SETBP1: variants seen among roughly 807,000 people sequenced by gnomAD.
The protein encoded by SETBP1 is SET binding protein 1, also known as SET-binding protein.
In SETBP1, 9 loss-of-function variants were observed where a neutral mutation model predicts 101.0. That is an observed-to-expected ratio of 0.09 (90% confidence interval 0.05 to 0.16). The LOEUF is 0.16. Ranked by LOEUF, SETBP1 falls within the 10% of genes least tolerant of loss-of-function variation. SETBP1 has a pLI of 1.00. For synonymous variants in SETBP1, 818 were observed against 788.5 expected (o/e 1.04, Z -0.63); for missense variants, 1,858 against 2,033.8 (o/e 0.91, Z 1.66).
intron 2 of SETBP1, among the ~76,000 whole-genome samples, chr18:44,717,038 A>G: frequency 6.6e-6 from 1 of 152,194 alleles, no homozygotes; most frequent in Non-Finnish European, 1.5e-5. Flanking sequence ...ATGTGATGTT[A>G]CTATCCCCAT....
intron 3 of SETBP1, among the ~76,000 whole-genome samples, chr18:44,899,940 G>A (rs551645799): frequency 5.9e-5 from 9 of 152,218 alleles, no homozygotes; most frequent in African/African-American, 2.2e-4. Context: ...AAATATTTTA[G>A]GCTTTGCAAG....
intron 3 of SETBP1, among the ~76,000 whole-genome samples, chr18:44,930,292 G>T (rs1408610532): frequency 1.3e-5 from 2 of 152,232 alleles, no homozygotes; most frequent in African/African-American, 2.4e-5. Context: ...AAGCCAACTT[G>T]ATCGTGGTGG....
At chr18:44,877,119 A>G in intron 3 of SETBP1, 3 of 1,003,434 alleles carry the variant, frequency 3.0e-6, no homozygotes, top group Non-Finnish European at 3.6e-6. Context: ...TTGCTCTCTT[A>G]CCCCATGCTA....
chr18:44,811,579 A>G lies in SETBP1; in HGVS notation c.487-57651A>G, dbSNP rs139052549. Among the ~76,000 whole-genome samples the G allele has an allele frequency of 6.2e-4, 94 of 152,352 alleles. 2 individuals carry two copies. In the East Asian group the frequency reaches 6.9e-3, roughly 11 times the overall value. ...CTGTACCTGCGTGGGTATGAAGTAT[A>G]CATTCCTAAGTGGAACTATGACTGC... is the stretch of plus-strand genomic sequence containing the variant. On this transcript the variant is annotated intron_variant, in intron 2 of 5. Transcript: ENST00000649279.
chr18:44,930,437 G>T (rs1164848992), intron 3 of SETBP1, among the ~76,000 whole-genome samples: 3 of 152,142 alleles, frequency 2.0e-5, no homozygotes, highest in Non-Finnish European at 2.9e-5. Flanking sequence ...GTATCAGGAT[G>T]ATGTTGGCCT....
intron 5 of SETBP1, among the ~76,000 whole-genome samples, chr18:45,056,786 C>G (rs2145572491): frequency 6.6e-6 from 1 of 152,342 alleles, no homozygotes; most frequent in South Asian, 2.1e-4. Flanking sequence ...TCACACTTAA[C>G]ATACCCCACT....
chr18:44,819,006 G>C (rs926365039), intron 2 of SETBP1, among the ~76,000 whole-genome samples: 2 of 151,646 alleles, frequency 1.3e-5, no homozygotes, highest in Non-Finnish European at 2.9e-5. Flanking sequence ...GTGTGTGTGT[G>C]TGTATACACA....
At chr18:44,947,468 A>G (rs1027386398) in intron 3 of SETBP1, among the ~76,000 whole-genome samples, 8 of 151,838 alleles carry the variant, frequency 5.3e-5, no homozygotes, top group Non-Finnish European at 1.0e-4. Flanking sequence ...ACCCAGGTCC[A>G]AAAGAATCAC....
At position 45,038,637 on chromosome 18, in the gene SETBP1, G is replaced by A. The variant is rs1347102859; in HGVS notation, c.4153G>A (p.Ala1385Thr). 1 of 1,614,042 alleles carries A rather than the reference G, an allele frequency of 6.2e-7. No individual in the cohort carries two copies. The stretch of plus-strand genomic sequence containing the variant: ...AGTGTTATCTCTCCTTGCTGCATCT[G>A]CAGCAACGTCGGATGCAGGTGAGCA... ...APVLSLLAASAATSDAVGSSL... is the reference protein window; with the variant it reads ...APVLSLLAASTATSDAVGSSL... The change falls in exon 5 of 6, where the codon GCA (alanine) becomes ACA (threonine). Residue 1385 changes from alanine to threonine, a missense_variant. Ala to Thr is a moderately conservative substitution (Grantham distance 58). Coordinates refer to ENST00000649279, the MANE Select transcript of SETBP1 (RefSeq NM_015559.3).
At chr18:44,824,062 C>T (rs139564315) in intron 2 of SETBP1, among the ~76,000 whole-genome samples, 16 of 152,330 alleles carry the variant, frequency 1.1e-4, no homozygotes, top group African/African-American at 3.4e-4. Flanking sequence ...AACTTCTTTT[C>T]ACTCCTGCCC....
intron 2 of SETBP1, among the ~76,000 whole-genome samples, chr18:44,789,263 A>G (rs1308877660): frequency 6.6e-6 from 1 of 152,198 alleles, no homozygotes; most frequent in East Asian, 1.9e-4. Flanking sequence ...CCTGAGATTA[A>G]TCATTTAACT....
chr18:45,029,314 AT>A (rs1320570174), intron 4 of SETBP1, among the ~76,000 whole-genome samples: 3 of 151,952 alleles, frequency 2.0e-5, no homozygotes, highest in Non-Finnish European at 4.4e-5. Context: ...CAAAGATCAG[AT>A]AGTTGTAGAT....
At chr18:44,910,890 C>A (rs1273081766) in intron 3 of SETBP1, among the ~76,000 whole-genome samples, 1 of 152,138 alleles carries the variant, frequency 6.6e-6, no homozygotes, top group Non-Finnish European at 1.5e-5. Flanking sequence ...CCCCTCACAC[C>A]CTTTTCATCC....
chr18:44,828,611 CA>C (rs1207717345), intron 2 of SETBP1, among the ~76,000 whole-genome samples: 1 of 152,128 alleles, frequency 6.6e-6, no homozygotes, highest in African/African-American at 2.4e-5. Context: ...GAAGGAGAGA[CA>C]AAAAGAGAAG....
intron 3 of SETBP1, chr18:44,871,732 A>T (rs2069279961): frequency 6.6e-6 from 1 of 152,118 alleles, no homozygotes; most frequent in African/African-American, 2.4e-5. Context: ...CCCCATGGTT[A>T]TTGGTTACTA....
chr18:44,943,530 T>C (rs1162277799), intron 3 of SETBP1, among the ~76,000 whole-genome samples: 1 of 152,248 alleles, frequency 6.6e-6, no homozygotes, highest in Non-Finnish European at 1.5e-5. Context: ...CTGAGAGCTT[T>C]GAAAAAGTAC....
In SETBP1 at chr18:45,067,675, TGTTTCTTAAA is replaced by T. The variant is rs1264921101; in HGVS notation, c.*3985_*3994del. 1 of 152,222 alleles carries T rather than the reference TGTTTCTTAAA, an allele frequency of 6.6e-6. No homozygotes were observed. Among genetic ancestry groups the T allele is most frequent in the African/African-American group, 2.4e-5 (1 of 41,462 alleles). The allele number at this position is 152,222 out of a possible 1,614,324, so 9.4% of individuals were successfully genotyped here. ...GTAATATATCGTAGCATTTTCTTGGTGTTTCTTAAAGTTTCTTTCCACAATACAAGGTCCT... is the reference window on the plus strand; with the variant it reads ...GTAATATATCGTAGCATTTTCTTGGTGTTTCTTTCCACAATACAAGGTCCT... On this transcript the variant is annotated 3_prime_UTR_variant, in exon 6 of 6. Transcript: ENST00000649279.
intron 2 of SETBP1, among the ~76,000 whole-genome samples, chr18:44,857,732 G>A (rs950690340): frequency 1.3e-5 from 2 of 152,156 alleles, no homozygotes; most frequent in African/African-American, 4.8e-5. Flanking sequence ...ATTCTGGACA[G>A]GTTTGGCCAA....
intron 4 of SETBP1, chr18:44,988,139 G>C: frequency 6.6e-6 from 1 of 152,032 alleles, no homozygotes. Context: ...GGAAAAGAAG[G>C]GACACAAATA....
Sources: gnomAD v4.1 joint callset for allele counts (sites outside exome capture counted in the v4.1 genomes callset) on GRCh38, gnomAD v4.1.1 for gene constraint, MANE v1.5 for transcripts, NCBI Gene and HGNC (gene_info 2026-07-23, HGNC 2026-07-21) for gene names.